Variants in NPHS1 observed in about 807,000 individuals in gnomAD.
The protein encoded by NPHS1 is NPHS1 adhesion molecule, nephrin.
A neutral mutation model predicts 139.7 loss-of-function variants in NPHS1; 107 were observed. The ratio of observed to expected loss-of-function variants is 0.77; its 90% confidence interval spans 0.66 to 0.90. The LOEUF (loss-of-function observed/expected upper bound fraction) is 0.90, where lower values mean the gene tolerates loss of function less well. Ranked by LOEUF, NPHS1 falls within the 40% of genes least tolerant of loss-of-function variation. The pLI is 0.00. For missense variants in NPHS1, 1,580 were observed against 1,654.2 expected (o/e 0.96, Z 0.78); for synonymous variants, 707 against 706.6 (o/e 1.00, Z -0.01).
At chr19:35,849,867 G>A (rs1973208087) in intron 5 of NPHS1, among the ~76,000 whole-genome samples, 1 of 152,134 alleles carries the variant, frequency 6.6e-6, no homozygotes, top group African/African-American at 2.4e-5. Flanking sequence ...AAACTTTAGT[G>A]CTTGGGACTC....
In NPHS1 at chr19:35,845,954, C is replaced by G. The variant is rs528978683; in HGVS notation, c.1627+54G>C. On this transcript the variant is annotated intron_variant, in intron 12 of 28. Transcript: ENST00000378910. This position sits in a 1 kb window ranked among gnomAD's most constrained non-coding sequence, Gnocchi z 5.5. The stretch of plus-strand genomic sequence containing the variant: ...CAGGGTTCGCTGGGTCCCTGCCCCA[C>G]CTGGCTCTGTCCCTCCCGCCCCGCC... 1 of 1,539,144 alleles carries G rather than the reference C, an allele frequency of 6.5e-7. No homozygotes were observed. The highest frequency in any genetic ancestry group is 1.4e-5 in the African/African-American group (1 of 72,860).
rs557432251 is a variant in NPHS1, at chr19:35,832,597, A to G, written c.3167-835T>C. On this transcript the variant is annotated intron_variant, in intron 23 of 28. Transcript: ENST00000378910. ...CTTTATTTTATTTTGTTTTTTAATT[A>G]AGACGGAGTTGGCTGGGCACGGTGG... Among the ~76,000 whole-genome samples the G allele has an allele frequency of 7.9e-5, 12 of 151,664 alleles. No homozygotes were observed. The East Asian group carries it at 9.9e-4, about 12-fold the overall frequency.
Position 35,831,512 on chromosome 19 carries a change from A to G in NPHS1, c.3287-12T>C. 1 of 1,613,914 alleles carries G rather than the reference A, an allele frequency of 6.2e-7. No homozygotes were observed. The highest frequency in any genetic ancestry group is 8.5e-7 in the Non-Finnish European group (1 of 1,179,930). On this transcript the variant is annotated splice_polypyrimidine_tract_variant and intron_variant, in intron 24 of 28. Coordinates refer to ENST00000378910, the MANE Select transcript of NPHS1 (RefSeq NM_004646.4). ...CTTCTCTGAGATGCCTGAAGGAAAC[A>G]GGAATAAAGGGCTCAGTGACCCTAT...
intron 25 of NPHS1, 26 bp from the exon 26 acceptor site, chr19:35,831,397 A>C (rs779354593): frequency 2.5e-6 from 4 of 1,613,358 alleles, no homozygotes; most frequent in East Asian, 2.2e-5. Context: ...TGTGGGGGGA[A>C]GTTGAGTGCT....
In NPHS1 at chr19:35,844,195, C is replaced by T. The variant is rs751809997; in HGVS notation, c.2120G>A (p.Trp707Ter). 6.2e-7 allele frequency: 1 copy of T among 1,612,410 alleles called. No homozygotes were observed. Among genetic ancestry groups the T allele is most frequent in the Non-Finnish European group, 8.5e-7 (1 of 1,179,984 alleles). Residue 707 changes from tryptophan to a stop codon, truncating the protein, a stop_gained, in exon 16 of 29, where the codon TGG (tryptophan) becomes TAG (stop). Coordinates refer to ENST00000378910, the MANE Select transcript of NPHS1 (RefSeq NM_004646.4). LOFTEE classifies it high-confidence loss of function. ...GCCGTCGTCCGCGCGGGTCACATTC[C>T]ACAGATGCAGAGCCCCGCTGGACAG... is the stretch of plus-strand genomic sequence containing the variant. ...RILSSGALHL[W>*]NVTRADDGLY... is the part of the protein sequence containing the mutation.
chr19:35,847,602 T>C lies in NPHS1; in HGVS notation c.1440+439A>G, dbSNP rs145728123. Among the ~76,000 whole-genome samples, 890 of 145,262 alleles carry C rather than the reference T, an allele frequency of 6.1e-3. 8 individuals carry two copies. Among genetic ancestry groups the C allele is most frequent in the African/African-American group, 0.021 (812 of 39,268 alleles). ...AACTCCCGACTTCAGGTGATCCGTC[T>C]ACCTCGGCCTCCTAAAGTGCTTGGA... is the stretch of plus-strand genomic sequence containing the variant. On this transcript the variant is annotated intron_variant, in intron 11 of 28. Coordinates refer to ENST00000378910, the MANE Select transcript of NPHS1 (RefSeq NM_004646.4).
At chr19:35,844,593 G>A in intron 14 of NPHS1, 134 bp from the exon 15 acceptor site, 1 of 904,954 alleles carries the variant, frequency 1.1e-6, no homozygotes, top group Non-Finnish European at 1.7e-6. Flanking sequence ...AAGGTAACAA[G>A]TTCAGAGCTA....
chr19:35,837,092 G>A (rs1163322989), intron 22 of NPHS1, among the ~76,000 whole-genome samples: 1 of 150,400 alleles, frequency 6.6e-6, no homozygotes, highest in Non-Finnish European at 1.5e-5. Context: ...GAGCCACAAA[G>A]ATCTGTGCTA....
intron 23 of NPHS1, 98 bp downstream of exon 23, chr19:35,835,607 G>A (rs139223547): frequency 8.9e-6 from 10 of 1,125,218 alleles, no homozygotes; most frequent in South Asian, 2.5e-5. Flanking sequence ...GAACTAAGTC[G>A]TTAAGCAGCT....
chr19:35,848,772 GATA>G lies in NPHS1; in HGVS notation c.1032_1034del (p.Ile345del), dbSNP rs763385745. 2.5e-6 allele frequency: 4 copies of G among 1,614,198 alleles called. No individual in the cohort carries two copies. Among genetic ancestry groups the G allele is most frequent in the Non-Finnish European group, 3.4e-6 (4 of 1,180,044 alleles). Reference sequence around the variant, plus strand: ...TCTCAGTCTGGGATGCAGATCCCAAGATAATAATGGCACTAGGGGGAACTGCAG... The same window carrying G: ...TCTCAGTCTGGGATGCAGATCCCAAGATAATGGCACTAGGGGGAACTGCAG... On this transcript the variant is annotated inframe_deletion, in exon 9 of 29. Transcript: ENST00000378910.
chr19:35,828,484 T>G (rs1045717181), intron 28 of NPHS1, among the ~76,000 whole-genome samples: 2 of 152,204 alleles, frequency 1.3e-5, no homozygotes, highest in Non-Finnish European at 2.9e-5. Flanking sequence ...CAGGCTGGTC[T>G]CAAACTTCTG....
chr19:35,828,118 T>C (rs1263292709), intron 28 of NPHS1, among the ~76,000 whole-genome samples: 1 of 152,108 alleles, frequency 6.6e-6, no homozygotes, highest in Admixed American at 6.6e-5. Context: ...TAGCCCTAAC[T>C]GGGGATGTAT....
chr19:35,851,977 C>A lies in NPHS1; in HGVS notation c.-140G>T. 1 of 727,560 alleles carries A rather than the reference C, an allele frequency of 1.4e-6. No individual in the cohort carries two copies. Among genetic ancestry groups the A allele is most frequent in the African/African-American group, 1.8e-5 (1 of 57,028 alleles). The allele number at this position is 727,560 out of a possible 1,614,324, so 45.1% of individuals were successfully genotyped here. ...CTTTCCGTTACTCTCCTCCCTTTCT[C>A]GTTTTCCTCTTCCCCTCTTCCCTGT... On this transcript the variant is annotated 5_prime_UTR_variant, in exon 1 of 29. Coordinates refer to ENST00000378910, the MANE Select transcript of NPHS1 (RefSeq NM_004646.4).
In NPHS1 at chr19:35,848,102, C is replaced by T. The variant is rs386833880; in HGVS notation, c.1379G>A (p.Arg460Gln). The stretch of plus-strand genomic sequence containing the variant: ...GATAGCCAAACACACCAGCCTCACC[C>T]GGGTCCCAGCCCGGAGCTTCTGGCC... ...PEGQKLRAGT[R>Q]VRLVCLAIGG... The change falls in exon 11 of 29, where the codon CGG becomes CAG. Residue 460 changes from arginine (R) to glutamine (Q), a missense_variant. Physicochemically the swap from Arg to Gln is conservative, Grantham distance 43. Transcript: ENST00000378910. The T allele has an allele frequency of 1.7e-5, 28 of 1,613,948 alleles. No individual in the cohort carries two copies. Among genetic ancestry groups the T allele is most frequent in the Middle Eastern group, 1.6e-4 (1 of 6,082 alleles).
At position 35,844,379 on chromosome 19, in the gene NPHS1, A is replaced by G; in HGVS notation, c.2011T>C (p.Ser671Pro). ...QGEALLPVSV[S>P]ANPAPEAFNW... Reference sequence around the variant, plus strand: ...AAGGCCTCGGGGGCGGGGTTAGCGGACACGGACACGGGCAGCAACGCCTCG... The same window carrying G: ...AAGGCCTCGGGGGCGGGGTTAGCGGGCACGGACACGGGCAGCAACGCCTCG... Residue 671 changes from serine (S) to proline (P), a missense_variant, in exon 15 of 29, where the codon TCC (serine) becomes CCC (proline). Transcript: ENST00000378910. The G allele has an allele frequency of 6.2e-7, 1 of 1,613,060 alleles. No homozygotes were observed. The highest frequency in any genetic ancestry group is 8.5e-7 in the Non-Finnish European group (1 of 1,179,706).
rs775372059 is a variant in NPHS1, at chr19:35,826,481, T to C, written c.*33A>G. 3 of 1,612,414 alleles carry C rather than the reference T, an allele frequency of 1.9e-6. No individual in the cohort carries two copies. The highest frequency in any genetic ancestry group is 1.7e-5 in the Admixed American group (1 of 59,970). On this transcript the variant is annotated 3_prime_UTR_variant, in exon 29 of 29. Coordinates refer to ENST00000378910, the MANE Select transcript of NPHS1 (RefSeq NM_004646.4). ...GAGAGACCAGTGGAGTGTAAATTCC[T>C]GCAGGTGCAGGACAATGGGGTTGAG...
chr19:35,825,427 C>T lies in NPHS1; in HGVS notation c.*1087G>A, dbSNP rs960789466. Among the ~76,000 whole-genome samples the T allele has an allele frequency of 6.6e-6, 1 of 151,820 alleles. No homozygotes were observed. Among genetic ancestry groups the T allele is most frequent in the Non-Finnish European group, 1.5e-5 (1 of 67,960 alleles). ...TCATTTATGTACAATAAAAATGCAC[C>T]CATCTTAAGTGTAAAGTTCAATGAG... On this transcript the variant is annotated 3_prime_UTR_variant, in exon 29 of 29. Coordinates refer to ENST00000378910, the MANE Select transcript of NPHS1 (RefSeq NM_004646.4).
chr19:35,841,818 C>G lies in NPHS1; in HGVS notation c.2712G>C (p.Leu904=). The change falls in exon 20 of 29, where the codon CTG becomes CTC. Residue 904 remains leucine (L), a synonymous_variant. Coordinates refer to ENST00000378910, the MANE Select transcript of NPHS1 (RefSeq NM_004646.4). The part of the protein sequence containing the change: ...YHQGGVHSSL[L]TIANVSAAQD... ...GGGCGGCAGACACGTTGGCAATGGT[C>G]AGGAGGCTGCTGTGGACACCACCCT... 6.2e-7 allele frequency: 1 copy of G among 1,614,060 alleles called. No homozygotes were observed. Among genetic ancestry groups the G allele is most frequent in the Non-Finnish European group, 8.5e-7 (1 of 1,179,978 alleles).
rs1054896970 is a variant in NPHS1 at position 35,845,659 on chromosome 19, G to A, written c.1757+10C>T. 1 of 1,612,730 alleles carries A rather than the reference G, an allele frequency of 6.2e-7. No homozygotes were observed. Among genetic ancestry groups the A allele is most frequent in the East Asian group, 2.2e-5 (1 of 44,822 alleles). Reference sequence around the variant, plus strand: ...AGACCAGAGAGGGGAGGGATCCCTCGCACTCCCACCTCTCCCCTTCCTTGT... The same window carrying A: ...AGACCAGAGAGGGGAGGGATCCCTCACACTCCCACCTCTCCCCTTCCTTGT... On this transcript the variant is annotated intron_variant, in intron 13 of 28. Transcript: ENST00000378910. This position sits in a 1 kb window ranked among gnomAD's most constrained non-coding sequence, Gnocchi z 5.5.
Sources: allele counts gnomAD v4.1 joint callset (sites outside exome capture counted in the v4.1 genomes callset), GRCh38; gene constraint gnomAD v4.1.1; non-coding constraint Gnocchi (gnomAD v3.1); transcripts MANE v1.5; gene names NCBI Gene and HGNC (gene_info 2026-07-23, HGNC 2026-07-21).